The following STX10 variants were observed in gnomAD, a reference collection of about 807,000 sequenced individuals.
STX10 encodes syntaxin-10.
Under a neutral mutation model 34.1 loss-of-function variants are expected in STX10, and 35 were observed. The observed-to-expected ratio is 1.03, with a 90% CI of 0.78 to 1.36. STX10 has a LOEUF of 1.36. Among genes scored for constraint, STX10 ranks in the 40% most tolerant of loss-of-function variants. The pLI is 0.00. For synonymous variants in STX10, 155 were observed against 132.9 expected (o/e 1.17, Z -1.15); for missense variants, 361 against 335.5 (o/e 1.08, Z -0.59).
chr19:13,148,887 G>C, intron 4 of STX10, 142 bp downstream of exon 4: 1 of 649,536 alleles, frequency 1.5e-6, no homozygotes, highest in Non-Finnish European at 2.7e-6. Flanking sequence ...CCGAGAAAGT[G>C]CAGGCAGGTA....
At position 13,150,230 on chromosome 19, in the gene STX10, T is replaced by G; in HGVS notation, c.-57A>C. On this transcript the variant is annotated 5_prime_UTR_variant, in exon 1 of 8. Coordinates refer to ENST00000587230, the MANE Select transcript of STX10 (RefSeq NM_003765.3). This position sits in a 1 kb window ranked among gnomAD's most constrained non-coding sequence, Gnocchi z 4.0. ...CTCCCGGCCTGGGTTCGCGGGCTGG[T>G]TCCCTCCCAACCGAGGAGAACGCGC... 5.1e-5 allele frequency: 35 copies of G among 685,740 alleles called. No homozygotes were observed. The highest frequency in any genetic ancestry group is 7.5e-5 in the Non-Finnish European group (28 of 375,468). 42.5% of individuals were successfully genotyped at this position (685,740 alleles called of 1,614,324 possible). A position where few individuals can be genotyped will look rare whatever the true frequency, so the allele number is the denominator to read the frequency against.
intron 5 of STX10, 40 bp from the exon 6 acceptor site, chr19:13,144,910 C>T: frequency 1.3e-6 from 2 of 1,566,056 alleles, no homozygotes; most frequent in Non-Finnish European, 1.7e-6. Context: ...TGAAAACGAC[C>T]CCAGAAGGCC....
intron 3 of STX10, 46 bp from the exon 4 acceptor site, chr19:13,149,137 C>T (rs768671628): frequency 1.4e-5 from 21 of 1,524,544 alleles, no homozygotes; most frequent in African/African-American, 5.5e-5. Flanking sequence ...TCAGGCTGGG[C>T]GCGGTGGCTC....
Position 13,150,344 on chromosome 19 carries a change from C to T in STX10, c.-171G>A, listed in dbSNP as rs2020036788. On this transcript the variant is annotated 5_prime_UTR_variant, in exon 1 of 8. Transcript: ENST00000587230. The surrounding 1 kb of genome is among the most constrained non-coding windows in gnomAD (Gnocchi z 4.0). ...TCGGAGGCCCGACGTGCGGACACTT[C>T]CGCCCTCTCCTCAGCCATCTTGGTT... is the stretch of plus-strand genomic sequence containing the variant. 1.7e-6 allele frequency: 1 copy of T among 592,094 alleles called. No individual in the cohort carries two copies. Among genetic ancestry groups the T allele is most frequent in the Non-Finnish European group, 3.0e-6 (1 of 330,512 alleles). The allele number at this position is 592,094 out of a possible 1,614,324, so 36.7% of individuals were successfully genotyped here. A position where few individuals can be genotyped will look rare whatever the true frequency, so the allele number is the denominator to read the frequency against.
Position 13,144,764 on chromosome 19 carries a change from A to G in STX10, c.578T>C (p.Ile193Thr), listed in dbSNP as rs774974160. The G allele has an allele frequency of 6.0e-5, 97 of 1,613,536 alleles. No homozygotes were observed. Among genetic ancestry groups the G allele is most frequent in the South Asian group, 3.0e-4 (27 of 91,054 alleles). Residue 193 changes from isoleucine (I) to threonine (T), a missense_variant and splice_region_variant, in exon 6 of 8, where the codon ATC (isoleucine) becomes ACC (threonine). Transcript: ENST00000587230. ...RVGEELDEQG[I>T]MLDAFAQEMD... ...CCCACCCCCAGGGTCCTGGCCTCAC[A>G]TGCCCTGCTCGTCCAGCTCTTCTCC...
chr19:13,145,389 C>T lies in STX10; in HGVS notation c.370G>A (p.Ala124Thr), dbSNP rs778427836. Residue 124 changes from alanine (A) to threonine (T), a missense_variant, in exon 5 of 8, where the codon GCA becomes ACA. Coordinates refer to ENST00000587230, the MANE Select transcript of STX10 (RefSeq NM_003765.3). Reference sequence around the variant, plus strand: ...GACTTCTGGGCAGCTGGCTTGCCTGCGAGTATCTGCAGGGGCACACAACAT... The same window carrying T: ...GACTTCTGGGCAGCTGGCTTGCCTGTGAGTATCTGCAGGGGCACACAACAT... Reference protein sequence around the residue: ...FLERNNREILAGKPAAQKSPS... With the variant: ...FLERNNREILTGKPAAQKSPS... The T allele has an allele frequency of 9.9e-6, 16 of 1,610,166 alleles. No homozygotes were observed. Among genetic ancestry groups the T allele is most frequent in the South Asian group, 5.5e-5 (5 of 91,072 alleles).
At chr19:13,147,889 G>A (rs1285743214) in intron 4 of STX10, among the ~76,000 whole-genome samples, 23 of 77,310 alleles carry the variant, frequency 3.0e-4, no homozygotes, top group East Asian at 1.7e-3. Flanking sequence ...GCAACACTCC[G>A]TCTCAAAAAA....
At chr19:13,146,192 C>CCT in intron 4 of STX10, among the ~76,000 whole-genome samples, 1 of 125,664 alleles carries the variant, frequency 8.0e-6, no homozygotes, top group East Asian at 2.0e-4. Context: ...AGTGACCTTG[C>CCT]CTCAAAAAAA....
At chr19:13,146,389 C>G (rs1374313159) in intron 4 of STX10, among the ~76,000 whole-genome samples, 1 of 152,108 alleles carries the variant, frequency 6.6e-6, no homozygotes, top group African/African-American at 2.4e-5. Context: ...CACCTGCCAC[C>G]ACATCCAGCT....
At position 13,150,138 on chromosome 19, in the gene STX10, C is replaced by A; in HGVS notation, c.35+1G>T. 8.4e-7 allele frequency: 1 copy of A among 1,184,800 alleles called. No individual in the cohort carries two copies. Among genetic ancestry groups the A allele is most frequent in the Non-Finnish European group, 1.2e-6 (1 of 801,490 alleles). 73.4% of individuals were successfully genotyped at this position (1,184,800 alleles called of 1,614,324 possible). Reference sequence around the variant, plus strand: ...CGCCCTCCCCCGTCGTTGTCACTCACCCTCGGACTACAAAAAAGGGGTCTT... The same window carrying A: ...CGCCCTCCCCCGTCGTTGTCACTCAACCTCGGACTACAAAAAAGGGGTCTT... On this transcript the variant is annotated splice_donor_variant, in intron 1 of 7. Transcript: ENST00000587230. LOFTEE classifies it high-confidence loss of function. This position sits in a 1 kb window ranked among gnomAD's most constrained non-coding sequence, Gnocchi z 4.0.
chr19:13,149,427 A>G, intron 3 of STX10, 72 bp downstream of exon 3: 1 of 1,081,212 alleles, frequency 9.2e-7, no homozygotes, highest in Non-Finnish European at 1.2e-6. Context: ...AAAAAAAAAA[A>G]AAGAAAGAAA....
chr19:13,149,873 C>G lies in STX10; in HGVS notation c.60G>C (p.Thr20=), dbSNP rs1568394540. Residue 20 remains threonine (T), a synonymous_variant, in exon 2 of 8, where the codon ACG becomes ACC. Transcript: ENST00000587230. ...VRGEVQKAVN[T]ARGLYQRWCE... ...ACCAGCGCTGGTACAGCCCGCGGGC[C>G]GTGTTCACCGCCTTCTGCACCTCGC... 1 of 1,607,050 alleles carries G rather than the reference C, an allele frequency of 6.2e-7. No individual in the cohort carries two copies. Among genetic ancestry groups the G allele is most frequent in the African/African-American group, 1.3e-5 (1 of 74,888 alleles).
intron 7 of STX10, 39 bp downstream of exon 7, chr19:13,144,538 G>A (rs1279273380): frequency 2.5e-6 from 4 of 1,613,926 alleles, no homozygotes; most frequent in Non-Finnish European, 2.5e-6. Context: ...CCTACAACCT[G>A]CCCCCACCAG....
At chr19:13,146,727 G>C (rs577254215) in intron 4 of STX10, among the ~76,000 whole-genome samples, 1 of 151,788 alleles carries the variant, frequency 6.6e-6, no homozygotes, top group African/African-American at 2.4e-5. Context: ...TTTTTGTAGA[G>C]ACAGGGTTTC....
At chr19:13,148,529 A>C (rs902624651) in intron 4 of STX10, among the ~76,000 whole-genome samples, 2 of 149,152 alleles carry the variant, frequency 1.3e-5, no homozygotes, top group Non-Finnish European at 3.0e-5. Context: ...AAAATACAGA[A>C]GTTACCCTGG....
intron 2 of STX10, 46 bp downstream of exon 2, chr19:13,149,682 C>T (rs772180587): frequency 6.2e-7 from 1 of 1,609,380 alleles, no homozygotes; most frequent in South Asian, 1.1e-5. Context: ...GCTGCCACCG[C>T]AATGGGCTCT....
intron 4 of STX10, 81 bp downstream of exon 4, chr19:13,148,948 G>A (rs1183998955): frequency 4.6e-5 from 55 of 1,207,698 alleles, no homozygotes; most frequent in Non-Finnish European, 6.3e-5. Context: ...GTCGCAAAAG[G>A]GACAGGTGAA....
chr19:13,145,483 G>T lies in STX10; in HGVS notation c.364-88C>A, dbSNP rs1171680564. On this transcript the variant is annotated intron_variant, in intron 4 of 7. Coordinates refer to ENST00000587230, the MANE Select transcript of STX10 (RefSeq NM_003765.3). ...AAATCCCCACGGTGGTAAGTCAGGG[G>T]GGCAGACTCTGGGGCAGGACAGCCT... 3.6e-6 allele frequency: 4 copies of T among 1,111,684 alleles called. No individual in the cohort carries two copies. The African/African-American group carries it at 6.1e-5, about 17-fold the overall frequency. The allele number at this position is 1,111,684 out of a possible 1,614,324, so 68.9% of individuals were successfully genotyped here.
chr19:13,150,008 C>T lies in STX10; in HGVS notation c.36-111G>A, dbSNP rs942750090. 5.7e-6 allele frequency: 8 copies of T among 1,413,096 alleles called. No individual in the cohort carries two copies. Among genetic ancestry groups the T allele is most frequent in the African/African-American group, 2.9e-5 (2 of 69,792 alleles). The allele number at this position is 1,413,096 out of a possible 1,614,324, so 87.5% of individuals were successfully genotyped here. On this transcript the variant is annotated intron_variant, in intron 1 of 7. Coordinates refer to ENST00000587230, the MANE Select transcript of STX10 (RefSeq NM_003765.3). This position sits in a 1 kb window ranked among gnomAD's most constrained non-coding sequence, Gnocchi z 4.0. ...GGGGACTCCGGAGACCCCTATATAC[C>T]CCTGCGTGCGCCTCCCACTCTGCAC...
Sources: allele counts gnomAD v4.1 joint callset (sites outside exome capture counted in the v4.1 genomes callset), GRCh38; gene constraint gnomAD v4.1.1; non-coding constraint Gnocchi (gnomAD v3.1); transcripts MANE v1.5; gene names NCBI Gene and HGNC (gene_info 2026-07-23, HGNC 2026-07-21).